Variants in LCORL observed in about 807,000 individuals in gnomAD.
LCORL encodes ligand-dependent nuclear receptor corepressor-like protein.
Under a neutral mutation model 141.8 loss-of-function variants are expected in LCORL, and 41 were observed. The ratio of observed to expected loss-of-function variants is 0.29; its 90% CI spans 0.23 to 0.38. The LOEUF is 0.38. Ranked by LOEUF, LCORL falls within the 10% of genes least tolerant of loss-of-function variation. The probability of loss-of-function intolerance (pLI) is 1.00; values close to 1 mark genes in which losing one functional copy is unlikely to be tolerated. For missense variants in LCORL, 1,759 were observed against 2,035.0 expected, an observed-to-expected ratio of 0.86 and a Z score of 2.61; for synonymous variants, 618 against 694.1, an observed-to-expected ratio of 0.89 and a Z score of 1.72.
chr4:17,935,721 T>G (rs1270544870), intron 4 of LCORL, among the ~76,000 whole-genome samples: 1 of 152,204 alleles, frequency 6.6e-6, no homozygotes, highest in Non-Finnish European at 1.5e-5. Context: ...CCACACTTCT[T>G]GTGAAGCCTG....
intron 4 of LCORL, among the ~76,000 whole-genome samples, chr4:17,947,582 G>A (rs1329516261): frequency 6.6e-6 from 1 of 151,834 alleles, no homozygotes; most frequent in African/African-American, 2.4e-5. Context: ...AAAATGTTAG[G>A]TATTTGAAGT....
intron 1 of LCORL, among the ~76,000 whole-genome samples, chr4:18,010,639 AG>A (rs1169592952): frequency 7.2e-6 from 1 of 139,320 alleles, no homozygotes; most frequent in East Asian, 2.0e-4. Context: ...TAGTACAGAC[AG>A]GGTTTCTGTA....
chr4:17,943,572 T>C (rs990546163), intron 4 of LCORL, among the ~76,000 whole-genome samples: 18 of 152,208 alleles, frequency 1.2e-4, no homozygotes, highest in African/African-American at 4.1e-4. Flanking sequence ...ACTTAACACA[T>C]TGCTTATGTT....
chr4:17,864,399 A>G (rs954806217), intron 7 of LCORL, among the ~76,000 whole-genome samples: 1 of 152,122 alleles, frequency 6.6e-6, no homozygotes, highest in Non-Finnish European at 1.5e-5. Flanking sequence ...TGATTTTTGT[A>G]GAGACAGAGT....
exon 8 of LCORL, chr4:17,842,114 T>C: frequency 1.9e-6 from 1 of 516,466 alleles, no homozygotes; most frequent in Non-Finnish European, 3.5e-6. Flanking sequence ...ACAAAATAAA[T>C]TAAGTTTTAA....
intron 4 of LCORL, among the ~76,000 whole-genome samples, chr4:17,929,320 C>G (rs1735636479): frequency 6.6e-6 from 1 of 151,970 alleles, no homozygotes; most frequent in Non-Finnish European, 1.5e-5. Flanking sequence ...CCCCGAATAG[C>G]CAAAATAATC....
rs538868287 is a variant in LCORL at position 17,893,199 on chromosome 4, CT to C, written c.683-7039del. 897 of 209,418 alleles carry C rather than the reference CT, an allele frequency of 4.3e-3. 12 individuals carry two copies. Among genetic ancestry groups the C allele is most frequent in the African/African-American group, 0.02 (855 of 42,610 alleles). 13.0% of individuals were successfully genotyped at this position (209,418 alleles called of 1,614,324 possible). On this transcript the variant is annotated intron_variant, in intron 5 of 7. Coordinates refer to ENST00000635767, the Ensembl canonical transcript of LCORL. The stretch of plus-strand genomic sequence containing the variant: ...TCTGGTCACCACCTTGCCCCTACCC[CT>C]ACTACCATAACTTTCAACAGCATTA...
chr4:18,015,648 C>T (rs1724517564), intron 1 of LCORL, among the ~76,000 whole-genome samples: 2 of 151,454 alleles, frequency 1.3e-5, no homozygotes, highest in South Asian at 4.2e-4. Flanking sequence ...GATAGCAGAC[C>T]CATCCATACC....
exon 7 of LCORL, chr4:17,877,959 G>A (rs1414902689): frequency 1.6e-6 from 2 of 1,230,450 alleles, no homozygotes; most frequent in Non-Finnish European, 2.0e-6. Flanking sequence ...ACCTCTTTCT[G>A]CCAGCCTATA....
At chr4:17,953,802 T>A (rs1455311226) in intron 4 of LCORL, among the ~76,000 whole-genome samples, 6 of 152,238 alleles carry the variant, frequency 3.9e-5, no homozygotes, top group Admixed American at 3.9e-4. Flanking sequence ...AATCCCTGCC[T>A]AATTTGTTCT....
intron 1 of LCORL, among the ~76,000 whole-genome samples, chr4:17,982,099 CGTGT>C (rs57094203): frequency 0.17 from 23,578 of 136,210 alleles, 2,046 homozygotes; most frequent in Non-Finnish European, 0.21. Flanking sequence ...AGTATTCCAT[CGTGT>C]GTGTGTGTGT....
intron 2 of LCORL, among the ~76,000 whole-genome samples, chr4:17,966,140 G>A (rs753908112): frequency 7.2e-5 from 11 of 152,004 alleles, no homozygotes; most frequent in African/African-American, 2.2e-4. Flanking sequence ...CCCATCATCC[G>A]TAGACAATGA....
intron 1 of LCORL, among the ~76,000 whole-genome samples, chr4:17,998,153 C>CA (rs922723845): frequency 5.3e-5 from 8 of 151,992 alleles, no homozygotes; most frequent in Admixed American, 5.2e-4. Flanking sequence ...ATAAAAGATA[C>CA]AAAATAGTAT....
At chr4:17,870,556 T>C (rs1004915604) in intron 7 of LCORL, among the ~76,000 whole-genome samples, 2 of 152,300 alleles carry the variant, frequency 1.3e-5, no homozygotes, top group South Asian at 4.1e-4. Context: ...GCTATCCATT[T>C]TTCTATCCTT....
chr4:18,019,543 T>C (rs541858813), intron 1 of LCORL, among the ~76,000 whole-genome samples: 2 of 152,292 alleles, frequency 1.3e-5, no homozygotes, highest in Non-Finnish European at 2.9e-5. Context: ...AATATACAAG[T>C]AGGTAAGGCA....
chr4:17,896,536 C>A (rs1341930751), intron 5 of LCORL, among the ~76,000 whole-genome samples: 1 of 152,136 alleles, frequency 6.6e-6, no homozygotes, highest in Non-Finnish European at 1.5e-5. Flanking sequence ...CCCGCCTTGG[C>A]CTTCCAAAGT....
At chr4:17,905,354 GAA>G (rs1284906235) in intron 5 of LCORL, among the ~76,000 whole-genome samples, 1 of 151,840 alleles carries the variant, frequency 6.6e-6, no homozygotes, top group African/African-American at 2.4e-5. Context: ...AGAAAATTAA[GAA>G]AAGTTTTCAA....
At chr4:17,962,815 C>T (rs1714107148) in intron 3 of LCORL, among the ~76,000 whole-genome samples, 155 bp downstream of exon 3, 1 of 151,804 alleles carries the variant, frequency 6.6e-6, no homozygotes, top group Non-Finnish European at 1.5e-5. Context: ...TGTTAGATTT[C>T]TAATATGACT....
chr4:17,875,146 C>CTTT (rs539715027), exon 7 of LCORL: 692 of 1,232,714 alleles, frequency 5.6e-4, no homozygotes, highest in Middle Eastern at 9.6e-4. Context: ...TTATCCTGTT[C>CTTT]TAAAGGAGGC....
Sources: allele counts gnomAD v4.1 joint callset (sites outside exome capture counted in the v4.1 genomes callset), GRCh38; gene constraint gnomAD v4.1.1; transcripts MANE v1.5; gene names NCBI Gene and HGNC (gene_info 2026-07-23, HGNC 2026-07-21).